Variants in MYO1C observed in about 807,000 individuals in gnomAD.
MYO1C encodes unconventional myosin-Ic.
A neutral mutation model predicts 150.8 loss-of-function variants in MYO1C; 104 were observed. That is an observed-to-expected ratio of 0.69 (90% CI 0.59 to 0.81). The LOEUF (loss-of-function observed/expected upper bound fraction) is 0.81, where lower values mean the gene tolerates loss of function less well. Ranked by LOEUF, MYO1C falls within the 30% of genes least tolerant of loss-of-function variation. The probability of loss-of-function intolerance (pLI) is 0.00; values close to 1 mark genes in which losing one functional copy is unlikely to be tolerated. For missense variants in MYO1C, 1,504 were observed against 1,435.0 expected (o/e 1.05, Z -0.78); for synonymous variants, 663 against 579.9 (o/e 1.14, Z -2.06).
chr17:1,472,198 G>A lies in MYO1C; in HGVS notation c.1828C>T (p.Gln610Ter). 6.2e-7 allele frequency: 1 copy of A among 1,614,166 alleles called. No homozygotes were observed. The highest frequency in any genetic ancestry group is 8.5e-7 in the Non-Finnish European group (1 of 1,180,004). Reference sequence around the variant, plus strand: ...TTAGACTGCAGGATCTCCACCAGCTGCAGGAGGCTCATCTTGAACTGGGTG... The same window carrying A: ...TTAGACTGCAGGATCTCCACCAGCTACAGGAGGCTCATCTTGAACTGGGTG... ...VATQFKMSLLQLVEILQSKEP... is the reference protein window; with the variant it reads ...VATQFKMSLL Residue 610 changes from glutamine (Q) to a stop codon, truncating the protein, a stop_gained, in exon 18 of 32, where the codon CAG becomes TAG. Transcript: ENST00000648651. LOFTEE classifies it high-confidence loss of function.
chr17:1,477,499 A>C lies in MYO1C; in HGVS notation c.1574+6T>G, dbSNP rs761565472. 4.3e-6 allele frequency: 7 copies of C among 1,613,058 alleles called. No individual in the cohort carries two copies. In the East Asian group the frequency reaches 1.6e-4, roughly 36 times the overall value. ...TTGCCCCCAGCAGCCCCGCAGCCCC[A>C]CTCACGTCAGGAAGTGTGGATGGTG... On this transcript the variant is annotated splice_donor_region_variant and intron_variant, in intron 14 of 31. Transcript: ENST00000648651.
intron 21 of MYO1C, 153 bp downstream of exon 21, chr17:1,470,918 A>G: frequency 1.0e-6 from 1 of 990,982 alleles, no homozygotes. Flanking sequence ...CAAGTCGGCC[A>G]TTGGACTCTC....
In MYO1C at chr17:1,469,743, G is replaced by A. The variant is rs1051055218; in HGVS notation, c.2527-129C>T. The stretch of plus-strand genomic sequence containing the variant: ...CATCTGGAGACGCTTCCGGTCAAGA[G>A]ACCTTACTCGGCAGGGCGCGGTGGC... On this transcript the variant is annotated intron_variant, in intron 24 of 31. Transcript: ENST00000648651. 4.7e-5 allele frequency: 40 copies of A among 842,670 alleles called. No individual in the cohort carries two copies. The South Asian group carries it at 5.5e-4, about 12-fold the overall frequency. The allele number at this position is 842,670 out of a possible 1,614,324, so 52.2% of individuals were successfully genotyped here. A position where few individuals can be genotyped will look rare whatever the true frequency, so the allele number is the denominator to read the frequency against.
intron 5 of MYO1C, among the ~76,000 whole-genome samples, chr17:1,481,543 C>T (rs184442558): frequency 6.6e-6 from 1 of 152,114 alleles, no homozygotes; most frequent in Non-Finnish European, 1.5e-5. Flanking sequence ...TGCTTTCACC[C>T]AGGCTGGAGT....
intron 24 of MYO1C, 91 bp from the exon 25 acceptor site, chr17:1,469,705 G>C (rs532767662): frequency 1.3e-4 from 139 of 1,042,792 alleles, no homozygotes; most frequent in Admixed American, 3.6e-4. Flanking sequence ...CTTTGGATAA[G>C]TAACACCCCC....
Position 1,477,558 on chromosome 17 carries a change from C to T in MYO1C, c.1521G>A (p.Leu507=). The change falls in exon 14 of 32, where the codon CTG becomes CTA. Residue 507 remains leucine, a synonymous_variant. Transcript: ENST00000648651. The stretch of plus-strand genomic sequence containing the variant: ...TATCCTCCAGCTTCTCCAGGAAGGT[C>T]AGGTCTGTGGCCTCCCCGGGGCGCA... ...ECLRPGEATD[L]TFLEKLEDTV... is the part of the protein sequence containing the mutation. 1 of 1,613,602 alleles carries T rather than the reference C, an allele frequency of 6.2e-7. No individual in the cohort carries two copies. The highest frequency in any genetic ancestry group is 8.5e-7 in the Non-Finnish European group (1 of 1,180,006).
At chr17:1,468,675 C>T (rs1033841431) in intron 25 of MYO1C, 179 bp from the exon 26 acceptor site, 1 of 625,542 alleles carries the variant, frequency 1.6e-6, no homozygotes, top group Non-Finnish European at 2.9e-6. Flanking sequence ...CTTCCTGACC[C>T]TCTGCCGCCA....
At position 1,467,315 on chromosome 17, in the gene MYO1C, C is replaced by T; in HGVS notation, c.3092G>A (p.Arg1031Lys). Residue 1031 changes from arginine to lysine, a missense_variant, in exon 31 of 32, where the codon AGG becomes AAG. By Grantham distance (26) the Arg-to-Lys change is conservative. Coordinates refer to ENST00000648651, the MANE Select transcript of MYO1C (RefSeq NM_001080779.2). ...GGGTGTGAAGTCAATGGTGCCATCC[C>T]TGCCGGGGCCCCCTGCAAACGTGAT... The part of the protein sequence containing the change: ...GSITFAGGPG[R>K]DGTIDFTPGS... 1 of 1,613,498 alleles carries T rather than the reference C, an allele frequency of 6.2e-7. No individual in the cohort carries two copies. Among genetic ancestry groups the T allele is most frequent in the Non-Finnish European group, 8.5e-7 (1 of 1,179,832 alleles).
At position 1,480,884 on chromosome 17, in the gene MYO1C, C is replaced by T. The variant is rs1273800366; in HGVS notation, c.629G>A (p.Gly210Asp). Reference protein sequence around the residue: ...KYMDVQFDFKGAPVGGHILSY... With the variant: ...KYMDVQFDFKDAPVGGHILSY... ...GAGGATGTGGCCACCCACGGGGGCA[C>T]CCTGTGGGCAGGGCAGGGCATGAGG... is the stretch of plus-strand genomic sequence containing the variant. The change falls in exon 6 of 32, where the codon GGT (glycine) becomes GAT (aspartate). Residue 210 changes from glycine (G) to aspartate (D), a missense_variant and splice_region_variant. Gly to Asp is a moderately conservative substitution (Grantham distance 94). Coordinates refer to ENST00000648651, the MANE Select transcript of MYO1C (RefSeq NM_001080779.2). 1 of 1,613,722 alleles carries T rather than the reference C, an allele frequency of 6.2e-7. No homozygotes were observed. The highest frequency in any genetic ancestry group is 8.5e-7 in the Non-Finnish European group (1 of 1,180,000).
At position 1,474,627 on chromosome 17, in the gene MYO1C, T is replaced by C. The variant is rs375910724; in HGVS notation, c.1780A>G (p.Lys594Glu). The change falls in exon 17 of 32, where the codon AAG becomes GAG. Residue 594 changes from lysine (K) to glutamate (E), a missense_variant. Transcript: ENST00000648651. ...CTCCTCACCGTCTCTGGCCGCTTCTTGTCACTGAGCTCGCTCCGGTCAAAG... is the reference window on the plus strand; with the variant it reads ...CTCCTCACCGTCTCTGGCCGCTTCTCGTCACTGAGCTCGCTCCGGTCAAAG... ...QCFDRSELSD[K>E]KRPETVATQF... The C allele has an allele frequency of 6.2e-7, 1 of 1,613,894 alleles. No individual in the cohort carries two copies. The highest frequency in any genetic ancestry group is 8.5e-7 in the Non-Finnish European group (1 of 1,179,928).
chr17:1,480,176 C>A (rs907458876), intron 7 of MYO1C, among the ~76,000 whole-genome samples: 25 of 120,096 alleles, frequency 2.1e-4, no homozygotes, highest in South Asian at 1.1e-3. Context: ...AAAGGGATTA[C>A]TGGCCCACGC....
intron 1 of MYO1C, 197 bp from the exon 2 acceptor site, chr17:1,484,500 T>A (rs1335410097): frequency 7.6e-6 from 5 of 658,084 alleles, no homozygotes; most frequent in Non-Finnish European, 1.3e-5. Flanking sequence ...AAGCCGGGTG[T>A]GGAGGGCCCG....
At chr17:1,471,180 C>G (rs1439802495) in intron 20 of MYO1C, 33 bp from the exon 21 acceptor site, 2 of 1,613,702 alleles carry the variant, frequency 1.2e-6, no homozygotes, top group South Asian at 2.2e-5. Context: ...CCCGGGGTTG[C>G]CACTCCCATT....
intron 1 of MYO1C, chr17:1,484,519 T>C (rs928888899): frequency 1.8e-5 from 11 of 626,118 alleles, no homozygotes; most frequent in Middle Eastern, 8.5e-4. Context: ...CGGGTCCCAG[T>C]GTGGCAGCAG....
intron 1 of MYO1C, 45 bp from the exon 2 acceptor site, chr17:1,484,348 G>A (rs775804006): frequency 1.0e-5 from 16 of 1,600,070 alleles, no homozygotes; most frequent in East Asian, 4.5e-5. Flanking sequence ...CATCGGGGGC[G>A]GGGCAAGGCC....
At chr17:1,469,766 G>T in intron 24 of MYO1C, 152 bp from the exon 25 acceptor site, 1 of 752,622 alleles carries the variant, frequency 1.3e-6, no homozygotes, top group Non-Finnish European at 2.3e-6. Flanking sequence ...AGGGCGCGGT[G>T]GCTCACGCCT....
At chr17:1,473,517 G>A (rs2074345212) in intron 17 of MYO1C, among the ~76,000 whole-genome samples, 1 of 152,170 alleles carries the variant, frequency 6.6e-6, no homozygotes, top group South Asian at 2.1e-4. Flanking sequence ...ACCCTGGGCA[G>A]CATGTCGCCT....
In MYO1C at chr17:1,478,469, C is replaced by T; in HGVS notation, c.1236G>A (p.Arg412=). The T allele has an allele frequency of 1.9e-6, 3 of 1,614,208 alleles. No homozygotes were observed. The highest frequency in any genetic ancestry group is 2.5e-6 in the Non-Finnish European group (3 of 1,180,040). ...CCAGGAGCCCGAGAACCGTGGTGCT[C>T]CGCCAGCTGGGGCTCTCCACGTCCT... ...ASKDVESPSW[R]STTVLGLLDI... is the part of the protein sequence containing the mutation. The change falls in exon 11 of 32, where the codon CGG becomes CGA. Residue 412 remains arginine, a synonymous_variant. Transcript: ENST00000648651. The surrounding 1 kb of genome is among the most constrained non-coding windows in gnomAD (Gnocchi z 6.3).
intron 14 of MYO1C, among the ~76,000 whole-genome samples, chr17:1,475,377 C>T (rs1485944405): frequency 1.3e-5 from 2 of 151,602 alleles, no homozygotes; most frequent in East Asian, 3.9e-4. Flanking sequence ...CGAGATGGTG[C>T]CACTACACTC....
Sources: allele counts gnomAD v4.1 joint callset (sites outside exome capture counted in the v4.1 genomes callset), GRCh38; gene constraint gnomAD v4.1.1; non-coding constraint Gnocchi (gnomAD v3.1); transcripts MANE v1.5; gene names NCBI Gene and HGNC (gene_info 2026-07-23, HGNC 2026-07-21).